Variants in DNAH6 observed in about 807,000 individuals in gnomAD.
The protein encoded by DNAH6 is dynein axonemal heavy chain 6, also known as axonemal beta dynein heavy chain 6.
A neutral mutation model predicts 491.4 loss-of-function variants in DNAH6; 340 were observed. The ratio of observed to expected loss-of-function variants is 0.69; its 90% CI spans 0.63 to 0.76. The LOEUF is 0.76. Ranked by LOEUF, DNAH6 falls within the 30% of genes least tolerant of loss-of-function variation. The probability of loss-of-function intolerance (pLI) is 0.00; values close to 1 mark genes in which losing one functional copy is unlikely to be tolerated. For synonymous variants in DNAH6, 1,603 were observed against 1,686.1 expected, an observed-to-expected ratio of 0.95 and a Z score of 1.21; for missense variants, 4,443 against 4,972.2, an observed-to-expected ratio of 0.89 and a Z score of 3.20.
the DNAH6 span, among the ~76,000 whole-genome samples, chr2:84,503,459 A>G: frequency 2.6e-5 from 4 of 152,136 alleles, no homozygotes; most frequent in African/African-American, 9.6e-5. Flanking sequence ...GTGTTATAAT[A>G]TTCTGATTTT....
the DNAH6 span, among the ~76,000 whole-genome samples, chr2:84,497,501 T>C: frequency 6.6e-6 from 1 of 152,220 alleles, no homozygotes; most frequent in Non-Finnish European, 1.5e-5. Context: ...ATATGGTGAC[T>C]ATGTCCTTTA....
chr2:84,712,069 C>T (rs1406265154), intron 56 of DNAH6, among the ~76,000 whole-genome samples: 1 of 152,234 alleles, frequency 6.6e-6, no homozygotes, highest in Non-Finnish European at 1.5e-5. Flanking sequence ...TCTGACCAGT[C>T]CTCCCCAACT....
chr2:84,740,631 C>G (rs1473102631), intron 62 of DNAH6, among the ~76,000 whole-genome samples: 1 of 152,138 alleles, frequency 6.6e-6, no homozygotes, highest in Non-Finnish European at 1.5e-5. Context: ...GTTAGATCTC[C>G]AGGGGAGTGG....
At chr2:84,495,644 T>C in the DNAH6 span, among the ~76,000 whole-genome samples, 1 of 152,202 alleles carries the variant, frequency 6.6e-6, no homozygotes, top group Non-Finnish European at 1.5e-5. Flanking sequence ...AATGGGGCAT[T>C]AGACCATATA....
At chr2:84,630,462 G>A (rs746683417) in intron 29 of DNAH6, among the ~76,000 whole-genome samples, 1 of 152,120 alleles carries the variant, frequency 6.6e-6, no homozygotes, top group African/African-American at 2.4e-5. Context: ...AGAAGTACAG[G>A]TGTATGAGAT....
At chr2:84,551,446 T>C (rs1218786377) in intron 9 of DNAH6, among the ~76,000 whole-genome samples, 1 of 152,216 alleles carries the variant, frequency 6.6e-6, no homozygotes. Flanking sequence ...TGCTTTTTCC[T>C]CTTAGCAATA....
At chr2:84,570,811 C>T (rs891994721) in intron 11 of DNAH6, among the ~76,000 whole-genome samples, 4 of 152,140 alleles carry the variant, frequency 2.6e-5, no homozygotes, top group Non-Finnish European at 5.9e-5. Flanking sequence ...TTTGTTCTTT[C>T]GCTCTTCTCA....
intron 15 of DNAH6, among the ~76,000 whole-genome samples, chr2:84,586,598 G>A (rs752078452): frequency 9.2e-5 from 14 of 152,134 alleles, no homozygotes; most frequent in Non-Finnish European, 1.0e-4. Flanking sequence ...TACCATGTGG[G>A]GCAATCATGA....
intron 41 of DNAH6, among the ~76,000 whole-genome samples, chr2:84,677,806 A>T (rs1311173696): frequency 6.6e-6 from 1 of 152,196 alleles, no homozygotes; most frequent in African/African-American, 2.4e-5. Flanking sequence ...GAGAAGAGAG[A>T]TTGTGAGCTG....
intron 2 of DNAH6, among the ~76,000 whole-genome samples, chr2:84,522,587 T>C (rs1342707310): frequency 6.6e-6 from 1 of 152,098 alleles, no homozygotes; most frequent in African/African-American, 2.4e-5. Flanking sequence ...TTTTAACAAT[T>C]GAGTGTGATG....
At chr2:84,730,619 A>G (rs984463393) in intron 61 of DNAH6, among the ~76,000 whole-genome samples, 1 of 152,218 alleles carries the variant, frequency 6.6e-6, no homozygotes, top group Non-Finnish European at 1.5e-5. Context: ...GTGTTGGGCC[A>G]CATTCAAAAC....
intron 41 of DNAH6, among the ~76,000 whole-genome samples, chr2:84,677,614 C>A (rs918793299): frequency 1.3e-5 from 2 of 152,206 alleles, no homozygotes; most frequent in South Asian, 4.1e-4. Flanking sequence ...GATAACCTAT[C>A]TTTTGTCCAT....
intron 11 of DNAH6, 63 bp from the exon 12 acceptor site, chr2:84,573,404 A>G (rs1160235335): frequency 1.1e-5 from 15 of 1,379,034 alleles, no homozygotes; most frequent in African/African-American, 1.5e-5. Context: ...GTTTAGTTGT[A>G]TTGAATTAAA....
the DNAH6 span, among the ~76,000 whole-genome samples, chr2:84,488,508 A>G: frequency 1.9e-4 from 29 of 152,192 alleles, no homozygotes; most frequent in Admixed American, 5.9e-4. Context: ...GTGAATCTTT[A>G]TTTTTTCCAA....
intron 5 of DNAH6, 53 bp downstream of exon 5, chr2:84,544,553 G>A: frequency 1.9e-6 from 2 of 1,052,628 alleles, no homozygotes; most frequent in Non-Finnish European, 2.7e-6. Context: ...AAAAGAAAGT[G>A]TGAATCTATT....
intron 62 of DNAH6, among the ~76,000 whole-genome samples, chr2:84,736,938 C>A (rs969559820): frequency 2.6e-5 from 4 of 152,058 alleles, no homozygotes; most frequent in Non-Finnish European, 5.9e-5. Context: ...CAGCTATTGT[C>A]CTTTCAGTAT....
rs903829182 is a variant in DNAH6, at chr2:84,634,631, A to G, written c.4643A>G (p.Lys1548Arg). The G allele has an allele frequency of 1.3e-5, 20 of 1,535,568 alleles. No individual in the cohort carries two copies. Among genetic ancestry groups the G allele is most frequent in the Middle Eastern group, 1.7e-4 (1 of 5,938 alleles). Residue 1548 changes from lysine to arginine, a missense_variant, in exon 30 of 77, where the codon AAA becomes AGA. Physicochemically the swap from Lys to Arg is conservative, Grantham distance 26. This residue lies in a region of DNAH6 where 2,977 missense variants were observed against 3,296.6 expected (regional missense o/e 0.90). Coordinates refer to ENST00000389394, the MANE Select transcript of DNAH6 (RefSeq NM_001370.2). ...CAACTCATTACCATTAGGAACGCCAAAGCGGCAAAGGTAAGGCACTGGGCA... is the reference window on the plus strand; with the variant it reads ...CAACTCATTACCATTAGGAACGCCAGAGCGGCAAAGGTAAGGCACTGGGCA... ...AQQLITIRNA[K>R]AAKLSRFMFE...
chr2:84,548,101 T>G (rs947456615), intron 7 of DNAH6, among the ~76,000 whole-genome samples, 187 bp from the exon 8 acceptor site: 1 of 152,236 alleles, frequency 6.6e-6, no homozygotes, highest in African/African-American at 2.4e-5. Flanking sequence ...TCTATAATCT[T>G]GTTGAATTGA....
chr2:84,499,974 G>A, the DNAH6 span, among the ~76,000 whole-genome samples: 3 of 150,990 alleles, frequency 2.0e-5, no homozygotes, highest in East Asian at 2.0e-4. Flanking sequence ...CAACCATTCT[G>A]TGAGTTGTCT....
Sources: allele counts gnomAD v4.1 joint callset (sites outside exome capture counted in the v4.1 genomes callset), GRCh38; gene constraint gnomAD v4.1.1; regional missense constraint gnomAD v4.1.1; transcripts MANE v1.5; gene names NCBI Gene and HGNC (gene_info 2026-07-23, HGNC 2026-07-21).